SMAD2: variants seen among roughly 807,000 people sequenced by gnomAD.
SMAD2 encodes the protein SMAD family member 2.
In SMAD2, 8 loss-of-function variants were observed where a neutral mutation model predicts 64.4. The ratio of observed to expected loss-of-function variants is 0.12; its 90% CI spans 0.07 to 0.22. The LOEUF (loss-of-function observed/expected upper bound fraction) is 0.22, where lower values mean the gene tolerates loss of function less well. Among genes scored for constraint, SMAD2 ranks in the 10% least tolerant of loss-of-function variants. The pLI is 1.00. For synonymous variants in SMAD2, 203 were observed against 195.8 expected (o/e 1.04, Z -0.31); for missense variants, 289 against 561.2 (o/e 0.51, Z 4.90).
Position 47,915,766 on chromosome 18 carries a change from C to A in SMAD2, c.-54+14595G>T, listed in dbSNP as rs187553475. Among the ~76,000 whole-genome samples the A allele has an allele frequency of 1.8e-4, 28 of 152,062 alleles. 1 individual carries two copies. Among genetic ancestry groups the A allele is most frequent in the Admixed American group, 1.6e-3 (25 of 15,292 alleles). On this transcript the variant is annotated intron_variant, in intron 1 of 10. Coordinates refer to ENST00000262160, the MANE Select transcript of SMAD2 (RefSeq NM_005901.6). ...AATGTAACCACAATCCCCAAAAAAACAACATTTCCAGCACCTCAGATGTCT... is the reference window on the plus strand; with the variant it reads ...AATGTAACCACAATCCCCAAAAAAAAAACATTTCCAGCACCTCAGATGTCT...
At chr18:47,902,538 G>A (rs2033725793) in intron 1 of SMAD2, among the ~76,000 whole-genome samples, 1 of 152,092 alleles carries the variant, frequency 6.6e-6, no homozygotes, top group Non-Finnish European at 1.5e-5. Flanking sequence ...TTGAGAACAG[G>A]AAAAAATAGA....
At chr18:47,860,075 G>C (rs963792162) in intron 6 of SMAD2, among the ~76,000 whole-genome samples, 2 of 152,182 alleles carry the variant, frequency 1.3e-5, no homozygotes, top group Middle Eastern at 6.8e-3. Flanking sequence ...GGTTGAGGCT[G>C]CCGTGAGCCA....
At chr18:47,855,321 A>G (rs1018165305) in intron 6 of SMAD2, among the ~76,000 whole-genome samples, 3 of 152,204 alleles carry the variant, frequency 2.0e-5, no homozygotes, top group African/African-American at 7.2e-5. Flanking sequence ...ATGAACATCA[A>G]TCTGCAGGTT....
chr18:47,882,882 T>G (rs2032689120), intron 2 of SMAD2, among the ~76,000 whole-genome samples: 1 of 152,220 alleles, frequency 6.6e-6, no homozygotes, highest in African/African-American at 2.4e-5. Context: ...GTCATCAAAT[T>G]TAATGGCATA....
intron 6 of SMAD2, among the ~76,000 whole-genome samples, chr18:47,852,031 T>C (rs1044294945): frequency 6.6e-6 from 1 of 152,202 alleles, no homozygotes; most frequent in African/African-American, 2.4e-5. Flanking sequence ...TGAGGTGTTA[T>C]TGCTTCTAGA....
Position 47,858,682 on chromosome 18 carries a change from CGTT to C in SMAD2, c.730+6374_730+6376del, listed in dbSNP as rs557586212. On this transcript the variant is annotated intron_variant, in intron 6 of 10. Transcript: ENST00000262160. Reference sequence around the variant, plus strand: ...TGTAAAGTTCTTAAATTTTACATGACGTTGTAAAATATTACAACTTAAATAAAC... The same window carrying C: ...TGTAAAGTTCTTAAATTTTACATGACGTAAAATATTACAACTTAAATAAAC... Among the ~76,000 whole-genome samples the C allele has an allele frequency of 1.5e-3, 225 of 152,034 alleles. 1 individual carries two copies. Among genetic ancestry groups the C allele is most frequent in the African/African-American group, 5.1e-3 (212 of 41,488 alleles).
At chr18:47,919,945 C>T (rs2034497813) in intron 1 of SMAD2, 1 of 152,186 alleles carries the variant, frequency 6.6e-6, no homozygotes, top group African/African-American at 2.4e-5. Flanking sequence ...ATGCAAACCA[C>T]ATATTGTTAA....
Position 47,841,120 on chromosome 18 carries a change from T to C in SMAD2, c.*707A>G, listed in dbSNP as rs1913907292. The C allele has an allele frequency of 4.3e-6, 1 of 231,536 alleles. No individual in the cohort carries two copies. Among genetic ancestry groups the C allele is most frequent in the Non-Finnish European group, 8.5e-6 (1 of 117,586 alleles). 14.3% of individuals were successfully genotyped at this position (231,536 alleles called of 1,614,324 possible). On this transcript the variant is annotated 3_prime_UTR_variant, in exon 11 of 11. Coordinates refer to ENST00000262160, the MANE Select transcript of SMAD2 (RefSeq NM_005901.6). The stretch of plus-strand genomic sequence containing the variant: ...AGGCTTGGAAAGGTTTTCAGTATGG[T>C]TTCCTTATAATAAGATTTAGCAGTT...
Position 47,844,707 on chromosome 18 carries a change from C to A in SMAD2, c.1280+633G>T, listed in dbSNP as rs142480543. 7.8e-3 allele frequency among the ~76,000 whole-genome samples: 1,186 copies of A among 152,240 alleles called. 9 individuals are homozygous for A. Among genetic ancestry groups the A allele is most frequent in the African/African-American group, 0.027 (1,118 of 41,530 alleles). ...ATGTATTAGTTTGAACCATGTGTTACCTGCAACGATGGCAATTTCATATAT... is the reference window on the plus strand; with the variant it reads ...ATGTATTAGTTTGAACCATGTGTTAACTGCAACGATGGCAATTTCATATAT... On this transcript the variant is annotated intron_variant, in intron 10 of 10. Coordinates refer to ENST00000262160, the MANE Select transcript of SMAD2 (RefSeq NM_005901.6).
At chr18:47,922,422 A>C (rs1034610225) in intron 1 of SMAD2, 3 of 152,256 alleles carry the variant, frequency 2.0e-5, no homozygotes, top group Non-Finnish European at 4.4e-5. Context: ...GAACATGTAC[A>C]GACTTTTTTC....
Position 47,820,641 on chromosome 18 carries a change from A to C in SMAD2, c.*21186T>G, listed in dbSNP as rs1054760573. On this transcript the variant is annotated 3_prime_UTR_variant, in exon 11 of 11. Coordinates refer to ENST00000262160, the MANE Select transcript of SMAD2 (RefSeq NM_005901.6). ...CCTAAAGCAGGATGACCAGTTGTTTAAGGGGAAGTATAAAACAAAGCAGAA... is the reference window on the plus strand; with the variant it reads ...CCTAAAGCAGGATGACCAGTTGTTTCAGGGGAAGTATAAAACAAAGCAGAA... The C allele has an allele frequency of 6.6e-6, 1 of 152,170 alleles. No individual in the cohort carries two copies. The highest frequency in any genetic ancestry group is 2.4e-5 in the African/African-American group (1 of 41,442). The allele number at this position is 152,170 out of a possible 1,614,324, so 9.4% of individuals were successfully genotyped here. A position where few individuals can be genotyped will look rare whatever the true frequency, so the allele number is the denominator to read the frequency against.
rs1426470706 is a variant in SMAD2 at position 47,814,980 on chromosome 18, C to A, written c.*26847G>T. The A allele has an allele frequency of 1.3e-5, 2 of 152,578 alleles. No individual in the cohort carries two copies. Among genetic ancestry groups the A allele is most frequent in the African/African-American group, 2.4e-5 (1 of 41,442 alleles). The allele number at this position is 152,578 out of a possible 1,614,324, so 9.5% of individuals were successfully genotyped here. A position where few individuals can be genotyped will look rare whatever the true frequency, so the allele number is the denominator to read the frequency against. On this transcript the variant is annotated 3_prime_UTR_variant, in exon 11 of 11. Transcript: ENST00000262160. ...TGAACAAAAGCCAGGGACCCACTTA[C>A]ATTACCCAGTAGACTCAGTGACATC...
At chr18:47,852,670 A>G (rs76325575) in intron 6 of SMAD2, among the ~76,000 whole-genome samples, 7,486 of 152,252 alleles carry the variant, frequency 0.049, 602 homozygotes, top group East Asian at 0.22. Flanking sequence ...ACATTATTCT[A>G]TGAAGGGTGA....
chr18:47,877,021 G>A (rs1270240295), intron 2 of SMAD2, among the ~76,000 whole-genome samples: 1 of 152,046 alleles, frequency 6.6e-6, no homozygotes, highest in African/African-American at 2.4e-5. Flanking sequence ...ACAGAATCTG[G>A]TAACCCTTTA....
In SMAD2 at chr18:47,830,923, G is replaced by C. The variant is rs1912964313; in HGVS notation, c.*10904C>G. 1.3e-5 allele frequency: 2 copies of C among 152,640 alleles called. No homozygotes were observed. The highest frequency in any genetic ancestry group is 2.9e-5 in the Non-Finnish European group (2 of 68,414). The allele number at this position is 152,640 out of a possible 1,614,324, so 9.5% of individuals were successfully genotyped here. On this transcript the variant is annotated 3_prime_UTR_variant, in exon 11 of 11. Transcript: ENST00000262160. ...TGGCTTCTCTAGATGAATCATCTTT[G>C]GCTGTGAGCAAAAAAGTTAACTAAG...
rs1328667478 is a variant in SMAD2, at chr18:47,833,850, CAACAATTGGTT to C, written c.*7966_*7976del. The C allele has an allele frequency of 8.7e-6, 2 of 230,044 alleles. No homozygotes were observed. The highest frequency in any genetic ancestry group is 1.7e-5 in the Non-Finnish European group (2 of 116,058). 14.3% of individuals were successfully genotyped at this position (230,044 alleles called of 1,614,324 possible). ...ATTTCCTCACAAGAAAAGAAATCTG[CAACAATTGGTT>C]TCCTTTTACTATGAAAAATGTAAAT... On this transcript the variant is annotated 3_prime_UTR_variant, in exon 11 of 11. Coordinates refer to ENST00000262160, the MANE Select transcript of SMAD2 (RefSeq NM_005901.6).
intron 1 of SMAD2, among the ~76,000 whole-genome samples, chr18:47,901,841 C>G (rs1431335366): frequency 3.3e-5 from 5 of 152,126 alleles, no homozygotes; most frequent in Non-Finnish European, 4.4e-5. Context: ...TTTTAAGAGA[C>G]TTCTGGTTTA....
At chr18:47,928,450 G>A (rs2034855939) in intron 1 of SMAD2, among the ~76,000 whole-genome samples, 1 of 152,114 alleles carries the variant, frequency 6.6e-6, no homozygotes, top group Non-Finnish European at 1.5e-5. Flanking sequence ...AAATGAAAAG[G>A]GGACAACAAC....
In SMAD2 at chr18:47,841,739, T is replaced by C; in HGVS notation, c.*88A>G. 1 of 1,489,136 alleles carries C rather than the reference T, an allele frequency of 6.7e-7. No individual in the cohort carries two copies. The highest frequency in any genetic ancestry group is 1.1e-5 in the South Asian group (1 of 87,422). The allele number at this position is 1,489,136 out of a possible 1,614,324, so 92.2% of individuals were successfully genotyped here. A position where few individuals can be genotyped will look rare whatever the true frequency, so the allele number is the denominator to read the frequency against. On this transcript the variant is annotated 3_prime_UTR_variant, in exon 11 of 11. Coordinates refer to ENST00000262160, the MANE Select transcript of SMAD2 (RefSeq NM_005901.6). ...CTGTTTTCTCTCTTGAACTTTTGGA[T>C]AGTAAACAGTCCATAGGGACCACAC...
Sources: gnomAD v4.1 joint callset for allele counts (sites outside exome capture counted in the v4.1 genomes callset) on GRCh38, gnomAD v4.1.1 for gene constraint, MANE v1.5 for transcripts, NCBI Gene and HGNC (gene_info 2026-07-23, HGNC 2026-07-21) for gene names.